Variants in AVEN observed in about 807,000 individuals in gnomAD.
AVEN encodes apoptosis and caspase activation inhibitor.
Under a neutral mutation model 38.1 loss-of-function variants are expected in AVEN, and 41 were observed. The ratio of observed to expected loss-of-function variants is 1.08; its 90% CI spans 0.84 to 1.40. The LOEUF is 1.40. Among genes scored for constraint, AVEN ranks in the 40% most tolerant of loss-of-function variants. The pLI, the probability that AVEN is intolerant of heterozygous loss-of-function variation, is 0.00. For synonymous variants in AVEN, 206 were observed against 171.8 expected, an observed-to-expected ratio of 1.20 and a Z score of -1.56; for missense variants, 605 against 438.8, an observed-to-expected ratio of 1.38 and a Z score of -3.38.
chr15:34,064,509 G>A, intron 4 of AVEN: 1 of 677,736 alleles, frequency 1.5e-6, no homozygotes. Flanking sequence ...CATATTAAAT[G>A]ACTCTTGCCT....
At chr15:33,984,687 GCA>G (rs1157057669) in intron 2 of AVEN, among the ~76,000 whole-genome samples, 2 of 152,068 alleles carry the variant, frequency 1.3e-5, no homozygotes, top group African/African-American at 4.8e-5. Flanking sequence ...CAGGTGTGAG[GCA>G]CTGCACCCAG....
chr15:34,017,038 G>C (rs1430815154), intron 1 of AVEN, among the ~76,000 whole-genome samples: 1 of 152,042 alleles, frequency 6.6e-6, no homozygotes, highest in Non-Finnish European at 1.5e-5. Flanking sequence ...GGCTGAGGTG[G>C]GAGGATCACC....
intron 2 of AVEN, among the ~76,000 whole-genome samples, chr15:33,959,511 A>G (rs1362430128): frequency 6.6e-6 from 1 of 152,040 alleles, no homozygotes; most frequent in African/African-American, 2.4e-5. Flanking sequence ...TAGCCCTCCG[A>G]GCACCACACT....
chr15:33,934,876 G>A (rs1027709464), intron 2 of AVEN, among the ~76,000 whole-genome samples: 1 of 152,182 alleles, frequency 6.6e-6, no homozygotes, highest in African/African-American at 2.4e-5. Flanking sequence ...TTCCTCAACT[G>A]TGAAGGGTAA....
chr15:33,857,936 G>A (rs772377160), downstream of AVEN: 2 of 1,379,264 alleles, frequency 1.5e-6, no homozygotes, highest in African/African-American at 3.6e-5. Context: ...CCCACTGCGG[G>A]GCCAGCCCAC....
chr15:33,969,120 A>G (rs1322484307), intron 2 of AVEN: 1 of 152,114 alleles, frequency 6.6e-6, no homozygotes, highest in Non-Finnish European at 1.5e-5. Flanking sequence ...CCAGAGTTCA[A>G]ATTACTGAGC....
intron 2 of AVEN, among the ~76,000 whole-genome samples, chr15:33,930,969 A>C (rs1456060254): frequency 2.1e-5 from 3 of 142,612 alleles, no homozygotes. Flanking sequence ...AAAAAAAAAA[A>C]AAAAACTTAA....
At chr15:33,929,245 C>T (rs1379832131) in intron 2 of AVEN, among the ~76,000 whole-genome samples, 1 of 152,204 alleles carries the variant, frequency 6.6e-6, no homozygotes, top group Non-Finnish European at 1.5e-5. Flanking sequence ...GCTTCCCACA[C>T]ACATTTGATT....
rs150737490 is a variant in AVEN, at chr15:33,931,322, C to A, written c.446-55327G>T. 9.1e-3 allele frequency among the ~76,000 whole-genome samples: 1,312 copies of A among 144,586 alleles called. 17 individuals carry two copies. The highest frequency in any genetic ancestry group is 0.033 in the African/African-American group (1,251 of 38,148). 94.9% of individuals were successfully genotyped at this position (144,586 alleles called of 152,430 possible). A position where few individuals can be genotyped will look rare whatever the true frequency, so the allele number is the denominator to read the frequency against. Reference sequence around the variant, plus strand: ...GGGACCTTTTAAATTTATTTATTTGCCAAAAAGAAACTATGCTGAATATTT... The same window carrying A: ...GGGACCTTTTAAATTTATTTATTTGACAAAAAGAAACTATGCTGAATATTT... On this transcript the variant is annotated intron_variant, in intron 2 of 5. Coordinates refer to ENST00000306730, the MANE Select transcript of AVEN (RefSeq NM_020371.3).
intron 2 of AVEN, among the ~76,000 whole-genome samples, chr15:33,876,295 G>A (rs186574022): frequency 9.2e-5 from 14 of 152,336 alleles, no homozygotes; most frequent in African/African-American, 2.9e-4. Flanking sequence ...ACATAGGCCA[G>A]GCACACTGGC....
chr15:33,888,947 A>G (rs1318382372), intron 2 of AVEN, among the ~76,000 whole-genome samples: 1 of 151,800 alleles, frequency 6.6e-6, no homozygotes, highest in Non-Finnish European at 1.5e-5. Context: ...CAATTTCTTG[A>G]CCTCGTGATC....
Position 34,063,148 on chromosome 15 carries a change from C to T in AVEN, n.1411G>A, listed in dbSNP as rs146231539. On this transcript the variant is annotated non_coding_transcript_exon_variant, in exon 5 of 12. Transcript: ENST00000675287. The surrounding 1 kb of genome is among the most constrained non-coding windows in gnomAD (Gnocchi z 4.1). ...TTGACATATCGGGCCAAGCGTACTCCGAAAAGGGCTGGCATCATGATTGGC... is the reference window on the plus strand; with the variant it reads ...TTGACATATCGGGCCAAGCGTACTCTGAAAAGGGCTGGCATCATGATTGGC... 8.7e-6 allele frequency: 14 copies of T among 1,614,150 alleles called. No individual in the cohort carries two copies. The highest frequency in any genetic ancestry group is 6.7e-5 in the Admixed American group (4 of 60,024).
rs139324943 is a variant in AVEN, at chr15:33,942,489, T to C, written c.445+60543A>G. On this transcript the variant is annotated intron_variant, in intron 2 of 5. Transcript: ENST00000306730. ...CTTTTGAGATGGAGTCTCGCTCTGT[T>C]GCCCAGGCTGGAGTGCAGTGGTGCG... 1.5e-3 allele frequency among the ~76,000 whole-genome samples: 221 copies of C among 152,156 alleles called. No individual in the cohort carries two copies. The East Asian group carries it at 0.034, about 24-fold the overall frequency.
At chr15:33,873,529 ATATT>A (rs1218405855) in intron 3 of AVEN, among the ~76,000 whole-genome samples, 2 of 148,150 alleles carry the variant, frequency 1.3e-5, no homozygotes, top group Non-Finnish European at 3.0e-5. Flanking sequence ...CATATAATAT[ATATT>A]ATATATATGC....
intron 1 of AVEN, among the ~76,000 whole-genome samples, chr15:34,021,846 A>C (rs910044303): frequency 6.6e-6 from 1 of 151,860 alleles, no homozygotes; most frequent in Non-Finnish European, 1.5e-5. Context: ...ACAGCGCAAG[A>C]CTCCATCTCA....
chr15:33,886,831 G>T (rs994247212), intron 2 of AVEN, among the ~76,000 whole-genome samples: 1 of 152,198 alleles, frequency 6.6e-6, no homozygotes, highest in South Asian at 2.1e-4. Context: ...AGCAGTCAAA[G>T]GCTGGTATGG....
chr15:33,905,495 A>C (rs1371859042), intron 2 of AVEN, among the ~76,000 whole-genome samples: 1 of 152,158 alleles, frequency 6.6e-6, no homozygotes, highest in Non-Finnish European at 1.5e-5. Context: ...ATGCCAAACC[A>C]AACTAATCTT....
chr15:34,004,940 C>T (rs1406877062), intron 1 of AVEN, among the ~76,000 whole-genome samples: 1 of 151,772 alleles, frequency 6.6e-6, no homozygotes, highest in Non-Finnish European at 1.5e-5. Flanking sequence ...ATTAAAACAA[C>T]TCATCTGTAT....
chr15:33,897,669 A>G (rs1457628344), intron 2 of AVEN, among the ~76,000 whole-genome samples: 1 of 151,860 alleles, frequency 6.6e-6, no homozygotes, highest in African/African-American at 2.4e-5. Flanking sequence ...CTTGAGGCCA[A>G]AAGTTCAAGA....
Sources: gnomAD v4.1 joint callset for allele counts (sites outside exome capture counted in the v4.1 genomes callset) on GRCh38, gnomAD v4.1.1 for gene constraint, Gnocchi (gnomAD v3.1) non-coding constraint, MANE v1.5 for transcripts, NCBI Gene and HGNC (gene_info 2026-07-23, HGNC 2026-07-21) for gene names.